The following PDE8B variants were observed in gnomAD, a reference collection of about 807,000 sequenced individuals.
PDE8B encodes the protein phosphodiesterase 8B, also known as high affinity cAMP-specific and IBMX-insensitive 3',5'-cyclic phosphodiesterase 8B.
Under a neutral mutation model 101.3 loss-of-function variants are expected in PDE8B, and 26 were observed. The observed-to-expected ratio is 0.26, with a 90% CI of 0.19 to 0.36. The LOEUF is 0.36. Ranked by LOEUF, PDE8B falls within the 10% of genes least tolerant of loss-of-function variation. The probability of loss-of-function intolerance (pLI) is 1.00; values close to 1 mark genes in which losing one functional copy is unlikely to be tolerated. For missense variants in PDE8B, 810 were observed against 1,163.1 expected, an observed-to-expected ratio of 0.70 and a Z score of 4.42; for synonymous variants, 424 against 429.3, an observed-to-expected ratio of 0.99 and a Z score of 0.15.
At chr5:77,293,722 T>G (rs192704292) in intron 1 of PDE8B, among the ~76,000 whole-genome samples, 7 of 152,374 alleles carry the variant, frequency 4.6e-5, no homozygotes, top group Non-Finnish European at 7.3e-5. Context: ...TTTTTGCAGT[T>G]GTGAATGAGT....
intron 1 of PDE8B, among the ~76,000 whole-genome samples, chr5:77,241,773 T>G (rs1755812739): frequency 6.6e-6 from 1 of 152,252 alleles, no homozygotes; most frequent in South Asian, 2.1e-4. Flanking sequence ...AAAGCTGCAT[T>G]GATTTGCTAA....
the PDE8B span, chr5:77,112,687 GAAAT>G: frequency 6.6e-6 from 1 of 152,154 alleles, no homozygotes; most frequent in African/African-American, 2.4e-5. Context: ...GCAAGAGAAA[GAAAT>G]AAAGTGTATT....
At chr5:77,116,464 A>T in the PDE8B span, among the ~76,000 whole-genome samples, 1 of 151,420 alleles carries the variant, frequency 6.6e-6, no homozygotes, top group Non-Finnish European at 1.5e-5. Flanking sequence ...CTGGTCTTGA[A>T]CTCCTGACCT....
chr5:77,358,343 C>A, intron 10 of PDE8B: 1 of 544,078 alleles, frequency 1.8e-6, no homozygotes, highest in Non-Finnish European at 2.3e-6. Context: ...GCTTCTCTTC[C>A]CCCCAGGAAA....
chr5:77,384,934 C>CT (rs555481058), intron 10 of PDE8B, among the ~76,000 whole-genome samples: 1 of 152,176 alleles, frequency 6.6e-6, no homozygotes, highest in South Asian at 2.1e-4. Flanking sequence ...CTGAAATTTT[C>CT]TTTTTTTGTT....
chr5:77,194,319 T>G, the PDE8B span, among the ~76,000 whole-genome samples: 1 of 152,198 alleles, frequency 6.6e-6, no homozygotes, highest in Admixed American at 6.5e-5. Flanking sequence ...AGAATTCTTA[T>G]TGTAAATAAG....
rs1174826198 is a variant in PDE8B, at chr5:77,426,664, C to G, written c.*110C>G. On this transcript the variant is annotated 3_prime_UTR_variant, in exon 22 of 22. Coordinates refer to ENST00000264917, the MANE Select transcript of PDE8B (RefSeq NM_003719.5). ...ACAATGACAGGTATTGGTGAAGGAG[C>G]TAATGTTTAATATTTGACCTTGAAT... The G allele has an allele frequency of 2.8e-6, 2 of 720,234 alleles. No individual in the cohort carries two copies. Among genetic ancestry groups the G allele is most frequent in the African/African-American group, 3.5e-5 (2 of 57,046 alleles). The allele number at this position is 720,234 out of a possible 1,614,324, so 44.6% of individuals were successfully genotyped here.
the PDE8B span, among the ~76,000 whole-genome samples, chr5:77,109,124 A>G: frequency 6.6e-6 from 1 of 152,234 alleles, no homozygotes; most frequent in Non-Finnish European, 1.5e-5. Flanking sequence ...TTAATGATGC[A>G]TAGCCATGAA....
rs981952771 is a variant in PDE8B, at chr5:77,407,533, T to C, written c.1365+76T>C. On this transcript the variant is annotated intron_variant, in intron 13 of 21. Transcript: ENST00000264917. ...GCCGTGCTCTGAAAATACATCACAC[T>C]GACATCATGGAGCTCAGTCTAGTGG... is the stretch of plus-strand genomic sequence containing the variant. 6 of 1,036,238 alleles carry C rather than the reference T, an allele frequency of 5.8e-6. No individual in the cohort carries two copies. The African/African-American group carries it at 7.8e-5, about 14-fold the overall frequency. 64.2% of individuals were successfully genotyped at this position (1,036,238 alleles called of 1,614,324 possible).
the PDE8B span, chr5:77,148,091 C>T: frequency 6.6e-6 from 1 of 152,114 alleles, no homozygotes; most frequent in African/African-American, 2.4e-5. Flanking sequence ...ACACAGGTAC[C>T]AAGACAAGAC....
chr5:77,146,179 G>A, the PDE8B span: 1 of 152,210 alleles, frequency 6.6e-6, no homozygotes, highest in Non-Finnish European at 1.5e-5. Context: ...TGATTTAAAT[G>A]ATGAGATGCT....
chr5:77,262,567 G>A (rs764562681), intron 1 of PDE8B, among the ~76,000 whole-genome samples: 22 of 152,192 alleles, frequency 1.4e-4, no homozygotes, highest in Non-Finnish European at 3.2e-4. Flanking sequence ...ATTATCAGGT[G>A]CATATATTGC....
chr5:77,205,790 C>T (rs7737666), upstream of PDE8B, among the ~76,000 whole-genome samples: 37,376 of 151,988 alleles, frequency 0.25, 5,874 homozygotes, highest in South Asian at 0.35. Flanking sequence ...TGTAATCAAT[C>T]TATGTACGTA....
chr5:77,165,093 C>T, the PDE8B span, among the ~76,000 whole-genome samples: 3 of 152,136 alleles, frequency 2.0e-5, no homozygotes, highest in Non-Finnish European at 2.9e-5. Context: ...AAGCTACCAG[C>T]GTGATGTCAC....
chr5:77,100,198 G>A, the PDE8B span: 2 of 152,202 alleles, frequency 1.3e-5, no homozygotes, highest in South Asian at 4.1e-4. Flanking sequence ...ATCCAGGCAG[G>A]ACTCACTCAC....
At chr5:77,285,106 T>C (rs16874147) in intron 1 of PDE8B, among the ~76,000 whole-genome samples, 3,272 of 152,258 alleles carry the variant, frequency 0.021, 127 homozygotes, top group African/African-American at 0.075. Flanking sequence ...GGCTAATAAA[T>C]GAATTATGTC....
At chr5:77,224,922 G>A (rs1017938597) in intron 1 of PDE8B, among the ~76,000 whole-genome samples, 1 of 151,992 alleles carries the variant, frequency 6.6e-6, no homozygotes, top group Non-Finnish European at 1.5e-5. Flanking sequence ...CTGTATGTTG[G>A]TAGTTAGATC....
At chr5:77,218,766 T>G (rs1157027576) in intron 1 of PDE8B, among the ~76,000 whole-genome samples, 2 of 152,250 alleles carry the variant, frequency 1.3e-5, no homozygotes, top group South Asian at 4.1e-4. Context: ...ACTTTGTAAG[T>G]GCTGTACAAA....
At chr5:77,400,983 C>T (rs1792145731) in intron 11 of PDE8B, among the ~76,000 whole-genome samples, 1 of 152,072 alleles carries the variant, frequency 6.6e-6, no homozygotes, top group Non-Finnish European at 1.5e-5. Flanking sequence ...GATGTCAGAC[C>T]CTAGGCTAAG....
Sources: gnomAD v4.1 joint callset for allele counts (sites outside exome capture counted in the v4.1 genomes callset) on GRCh38, gnomAD v4.1.1 for gene constraint, MANE v1.5 for transcripts, NCBI Gene and HGNC (gene_info 2026-07-23, HGNC 2026-07-21) for gene names.